Variants in TSPEAR observed in about 807,000 individuals in gnomAD.
TSPEAR encodes thrombospondin-type laminin G domain and EAR repeat-containing protein.
In TSPEAR, 69 loss-of-function variants were observed where a neutral mutation model predicts 71.6. The ratio of observed to expected loss-of-function variants is 0.96; its 90% CI spans 0.79 to 1.18. The LOEUF (loss-of-function observed/expected upper bound fraction) is 1.18, where lower values mean the gene tolerates loss of function less well. TSPEAR is among the 50% of genes most tolerant of loss of function. The pLI is 0.00. For synonymous variants in TSPEAR, 402 were observed against 387.2 expected (o/e 1.04, Z -0.45); for missense variants, 971 against 894.9 (o/e 1.09, Z -1.09).
chr21:44,701,545 T>C (rs2146329419), intron 1 of TSPEAR, among the ~76,000 whole-genome samples: 1 of 152,294 alleles, frequency 6.6e-6, no homozygotes, highest in South Asian at 2.1e-4. Context: ...GAGCTTGTTT[T>C]CCTGCAACCA....
chr21:44,647,550 G>C, intron 1 of TSPEAR: 1 of 685,756 alleles, frequency 1.5e-6, no homozygotes, highest in South Asian at 2.0e-5. Flanking sequence ...CCCTCAGCAG[G>C]TGGACTGTGG....
At chr21:44,674,748 G>A (rs1247337468) in intron 1 of TSPEAR, among the ~76,000 whole-genome samples, 248 of 143,190 alleles carry the variant, frequency 1.7e-3, no homozygotes, top group Middle Eastern at 7.0e-3. Context: ...GTGTGTGTGT[G>A]TGTGTGTGTG....
intron 1 of TSPEAR, among the ~76,000 whole-genome samples, chr21:44,643,747 T>C (rs1984149134): frequency 6.6e-6 from 1 of 152,102 alleles, no homozygotes; most frequent in Non-Finnish European, 1.5e-5. Flanking sequence ...ACTCACTCCT[T>C]CCTTAAAAGC....
At chr21:44,699,720 C>G (rs1373641403) in intron 1 of TSPEAR, among the ~76,000 whole-genome samples, 1 of 152,186 alleles carries the variant, frequency 6.6e-6, no homozygotes, top group African/African-American at 2.4e-5. Flanking sequence ...TATGTGCGTT[C>G]TCTCCCTGCC....
In TSPEAR at chr21:44,612,738, G is replaced by A. The variant is rs150908364; in HGVS notation, c.83-44733C>T. ...CCCTCCTCCTCCGTGTCCCTCCTCT[G>A]CCGCCCTGTGTGCCGGCCTGCCTGC... On this transcript the variant is annotated intron_variant, in intron 1 of 11. Coordinates refer to ENST00000323084, the MANE Select transcript of TSPEAR (RefSeq NM_144991.3). The surrounding 1 kb of genome is among the most constrained non-coding windows in gnomAD (Gnocchi z 4.1). 5 of 1,613,456 alleles carry A rather than the reference G, an allele frequency of 3.1e-6. No homozygotes were observed. The African/African-American group carries it at 6.7e-5, about 22-fold the overall frequency.
chr21:44,566,359 A>T (rs961330686), intron 2 of TSPEAR, among the ~76,000 whole-genome samples: 1 of 152,160 alleles, frequency 6.6e-6, no homozygotes, highest in Non-Finnish European at 1.5e-5. Flanking sequence ...GGAAGATGTA[A>T]ACAATGGAAA....
intron 9 of TSPEAR, among the ~76,000 whole-genome samples, chr21:44,514,551 G>A (rs189331779): frequency 1.1e-3 from 162 of 152,304 alleles, no homozygotes; most frequent in African/African-American, 3.5e-3. Context: ...ACCAAGCTTT[G>A]GAAGCTGCAA....
intron 1 of TSPEAR, among the ~76,000 whole-genome samples, chr21:44,583,704 GGC>G (rs1381111314): frequency 6.6e-6 from 1 of 152,112 alleles, no homozygotes; most frequent in Admixed American, 6.5e-5. Context: ...ACTTGATAAT[GGC>G]TCATTATCCC....
At chr21:44,708,757 C>A (rs878128) in intron 1 of TSPEAR, among the ~76,000 whole-genome samples, 41,508 of 152,134 alleles carry the variant, frequency 0.27, 5,906 homozygotes, top group South Asian at 0.42. Flanking sequence ...TCCTGGACAC[C>A]TGCAGGGCAG....
At chr21:44,501,542 T>A (rs1423892707) in intron 11 of TSPEAR, among the ~76,000 whole-genome samples, 1 of 152,060 alleles carries the variant, frequency 6.6e-6, no homozygotes, top group Non-Finnish European at 1.5e-5. Flanking sequence ...GCTTGCAGTG[T>A]GCCGAGACTG....
chr21:44,661,315 A>G (rs1365026602), intron 1 of TSPEAR, among the ~76,000 whole-genome samples: 2 of 151,896 alleles, frequency 1.3e-5, no homozygotes, highest in East Asian at 1.9e-4. Flanking sequence ...CATTATAACT[A>G]ATTGACTGTC....
chr21:44,517,698 G>A (rs1569159052), intron 9 of TSPEAR: 1 of 465,092 alleles, frequency 2.2e-6, no homozygotes, highest in Non-Finnish European at 4.5e-6. Context: ...AGCCGTGCAT[G>A]GCAGTGGCCA....
At chr21:44,611,491 T>A (rs1981667706) in intron 1 of TSPEAR, among the ~76,000 whole-genome samples, 1 of 151,716 alleles carries the variant, frequency 6.6e-6, no homozygotes, top group African/African-American at 2.4e-5. Context: ...GTAAGTCCAA[T>A]TAAAGCCCTT....
rs374026170 is a variant in TSPEAR, at chr21:44,651,873, A to G, written c.82+59560T>C. On this transcript the variant is annotated intron_variant, in intron 1 of 11. Coordinates refer to ENST00000323084, the MANE Select transcript of TSPEAR (RefSeq NM_144991.3). The stretch of plus-strand genomic sequence containing the variant: ...AAGGGGAAAAAAATCAAGCTTTTAA[A>G]AAATGAAAGTTAGTTTGCTTCAGAA... 2.8e-4 allele frequency among the ~76,000 whole-genome samples: 42 copies of G among 152,342 alleles called. 1 individual carries two copies. The South Asian group carries it at 7.5e-3, about 27-fold the overall frequency.
chr21:44,626,292 T>A (rs1555934306), intron 1 of TSPEAR, among the ~76,000 whole-genome samples: 1 of 152,210 alleles, frequency 6.6e-6, no homozygotes, highest in African/African-American at 2.4e-5. Context: ...CCTGTGGTGA[T>A]AACAATTCAT....
At chr21:44,606,858 G>A (rs1397761017) in intron 1 of TSPEAR, among the ~76,000 whole-genome samples, 6 of 152,230 alleles carry the variant, frequency 3.9e-5, no homozygotes, top group Non-Finnish European at 8.8e-5. Context: ...CAGAGGCCGG[G>A]GGCTGCCAGA....
At chr21:44,538,152 G>A (rs1025602695) in intron 2 of TSPEAR, among the ~76,000 whole-genome samples, 23 of 152,314 alleles carry the variant, frequency 1.5e-4, no homozygotes, top group Middle Eastern at 6.8e-3. Flanking sequence ...TCTCATCAGC[G>A]TTTTGGTCTC....
At chr21:44,585,708 C>A (rs587679119) in intron 1 of TSPEAR, among the ~76,000 whole-genome samples, 1 of 152,280 alleles carries the variant, frequency 6.6e-6, no homozygotes, top group South Asian at 2.1e-4. Context: ...TCCAGGAATC[C>A]AAGGTGTTTT....
At chr21:44,571,406 G>T (rs1459033606) in intron 1 of TSPEAR, among the ~76,000 whole-genome samples, 1 of 152,208 alleles carries the variant, frequency 6.6e-6, no homozygotes, top group Non-Finnish European at 1.5e-5. Context: ...GCACCAACAC[G>T]ATTCTTAGTG....
Sources: gnomAD v4.1 joint callset for allele counts (sites outside exome capture counted in the v4.1 genomes callset) on GRCh38, gnomAD v4.1.1 for gene constraint, Gnocchi (gnomAD v3.1) non-coding constraint, MANE v1.5 for transcripts, NCBI Gene and HGNC (gene_info 2026-07-23, HGNC 2026-07-21) for gene names.